ZNF620: variants seen among roughly 807,000 people sequenced by gnomAD.
ZNF620 encodes the protein zinc finger protein 620.
ZNF620 carries 10 observed loss-of-function variants against 13.3 expected under a neutral mutation model. The observed-to-expected ratio is 0.75, with a 90% CI of 0.46 to 1.28. ZNF620 has a LOEUF of 1.28. Among genes scored for constraint, ZNF620 ranks in the 50% most tolerant of loss-of-function variants. The probability of loss-of-function intolerance (pLI) is 0.00; values close to 1 mark genes in which losing one functional copy is unlikely to be tolerated. For missense variants in ZNF620, 461 were observed against 500.2 expected, an observed-to-expected ratio of 0.92 and a Z score of 0.75; for synonymous variants, 166 against 177.6, an observed-to-expected ratio of 0.93 and a Z score of 0.52.
Position 40,511,576 on chromosome 3 carries a change from AT to A in ZNF620, c.132del (p.Tyr44Ter), listed in dbSNP as rs1312936594. 1 of 1,613,250 alleles carries A rather than the reference AT, an allele frequency of 6.2e-7. No individual in the cohort carries two copies. The highest frequency in any genetic ancestry group is 8.5e-7 in the Non-Finnish European group (1 of 1,179,634). On this transcript the variant is annotated frameshift_variant, in exon 3 of 5. Coordinates refer to ENST00000314529, the MANE Select transcript of ZNF620 (RefSeq NM_175888.4). LOFTEE classifies it high-confidence loss of function. ...TACAGGGAAGTGATGCTGGAGAATT[AT>A]GCAAATGTGGCTTCCCTGGGTAAGA... ...ALYREVMLEN[Y>X]ANVASLAFPF...
At chr3:40,513,234 G>A (rs1698253549) in intron 4 of ZNF620, among the ~76,000 whole-genome samples, 1 of 149,120 alleles carries the variant, frequency 6.7e-6, no homozygotes, top group South Asian at 2.1e-4. Flanking sequence ...GGAGGCTGAG[G>A]CAGGTGGATC....
At chr3:40,510,292 T>C (rs1404993056) in intron 2 of ZNF620, among the ~76,000 whole-genome samples, 1 of 152,102 alleles carries the variant, frequency 6.6e-6, no homozygotes, top group African/African-American at 2.4e-5. Flanking sequence ...GGATTACAGG[T>C]GTAATCTGTA....
Position 40,506,265 on chromosome 3 carries a change from A to G in ZNF620, c.-49-39A>G, listed in dbSNP as rs1698013066. On this transcript the variant is annotated intron_variant, in intron 1 of 4. Coordinates refer to ENST00000314529, the MANE Select transcript of ZNF620 (RefSeq NM_175888.4). The stretch of plus-strand genomic sequence containing the variant: ...AGAGGGCATTTGCGGGGTGCGAGGC[A>G]GCATCAATCTCACCGGTGCTTCTTT... 3 of 1,549,332 alleles carry G rather than the reference A, an allele frequency of 1.9e-6. No homozygotes were observed. The African/African-American group carries it at 4.1e-5, about 21-fold the overall frequency.
chr3:40,514,195 T>G (rs1278516098), intron 4 of ZNF620, among the ~76,000 whole-genome samples: 1 of 152,166 alleles, frequency 6.6e-6, no homozygotes, highest in East Asian at 1.9e-4. Context: ...TGGTCCACTT[T>G]CATGTTCTGC....
intron 4 of ZNF620, 64 bp downstream of exon 4, chr3:40,512,579 T>C (rs1698234876): frequency 1.1e-5 from 13 of 1,179,490 alleles, no homozygotes; most frequent in East Asian, 4.9e-5. Flanking sequence ...TCACATTTCA[T>C]TGTGCAAGAA....
At chr3:40,514,652 G>A (rs1159427550) in intron 4 of ZNF620, among the ~76,000 whole-genome samples, 1 of 152,066 alleles carries the variant, frequency 6.6e-6, no homozygotes, top group Non-Finnish European at 1.5e-5. Context: ...TGCACCTGTA[G>A]TACCAGCTCC....
intron 3 of ZNF620, among the ~76,000 whole-genome samples, chr3:40,512,001 C>G (rs1047490807): frequency 6.6e-6 from 1 of 152,128 alleles, no homozygotes; most frequent in African/African-American, 2.4e-5. Context: ...TGTGGGGTTT[C>G]TAATAACTCT....
In ZNF620 at chr3:40,506,071, T is replaced by G; in HGVS notation, c.-117T>G. ...CCCCGGTGTCGGCGGCAGGTGGAAT[T>G]TCCACGCTTTATCTGCGCCTGCGCC... On this transcript the variant is annotated 5_prime_UTR_variant, in exon 1 of 5. The change creates a new upstream start codon in the 5' untranslated region. Transcript: ENST00000314529. The G allele has an allele frequency of 1.3e-5, 7 of 538,932 alleles. No individual in the cohort carries two copies. In the East Asian group the frequency reaches 1.3e-4, roughly 10 times the overall value. 33.4% of individuals were successfully genotyped at this position (538,932 alleles called of 1,614,324 possible).
At chr3:40,515,630 T>C (rs1168484112) in intron 4 of ZNF620, among the ~76,000 whole-genome samples, 1 of 152,236 alleles carries the variant, frequency 6.6e-6, no homozygotes, top group Admixed American at 6.5e-5. Flanking sequence ...CTGGCCTTGC[T>C]TCCCTCCCGT....
intron 4 of ZNF620, 113 bp from the exon 5 acceptor site, chr3:40,515,746 AC>A: frequency 7.4e-7 from 1 of 1,350,088 alleles, no homozygotes; most frequent in Non-Finnish European, 1.0e-6. Flanking sequence ...GCAAATTAGA[AC>A]CACTTGATTC....
At chr3:40,513,316 A>AATATATATAT (rs71618944) in intron 4 of ZNF620, among the ~76,000 whole-genome samples, 25 of 62,628 alleles carry the variant, frequency 4.0e-4, no homozygotes, top group East Asian at 1.4e-3. Flanking sequence ...AAAAAAAAAA[A>AATATATATAT]ATATATATAT....
intron 4 of ZNF620, among the ~76,000 whole-genome samples, chr3:40,513,278 A>G (rs959323739): frequency 1.4e-5 from 2 of 144,296 alleles, no homozygotes; most frequent in African/African-American, 5.2e-5. Flanking sequence ...CAGCTTGGCC[A>G]ACATGACGAA....
chr3:40,507,150 G>A (rs939098994), intron 2 of ZNF620, among the ~76,000 whole-genome samples: 11 of 135,142 alleles, frequency 8.1e-5, no homozygotes, highest in African/African-American at 3.1e-4. Context: ...GGAGTGCAGT[G>A]GCGCGATCCT....
At chr3:40,512,374 C>A (rs1401128356) in intron 3 of ZNF620, 28 bp from the exon 4 acceptor site, 1 of 1,601,000 alleles carries the variant, frequency 6.2e-7, no homozygotes, top group African/African-American at 1.3e-5. Flanking sequence ...TTCCCCTTAC[C>A]TTTTCCTGTT....
intron 4 of ZNF620, 46 bp downstream of exon 4, chr3:40,512,561 T>G (rs925698590): frequency 2.2e-6 from 3 of 1,390,884 alleles, no homozygotes; most frequent in Admixed American, 2.3e-5. Flanking sequence ...TGGCTTGCTT[T>G]CTTGTTTTCA....
intron 2 of ZNF620, among the ~76,000 whole-genome samples, chr3:40,509,334 C>A (rs770034171): frequency 1.3e-5 from 2 of 151,804 alleles, no homozygotes; most frequent in Non-Finnish European, 2.9e-5. Context: ...TGGGTTCAAG[C>A]GATTCTTGTG....
chr3:40,506,340 T>A lies in ZNF620; in HGVS notation c.-13T>A. 6.2e-7 allele frequency: 1 copy of A among 1,614,082 alleles called. No individual in the cohort carries two copies. The highest frequency in any genetic ancestry group is 8.5e-7 in the Non-Finnish European group (1 of 1,180,010). ...CGAACCCTGAGGCAGTGTGTGAAGCTGGGACGCCAGCCATGTTCCAGACCG... is the reference window on the plus strand; with the variant it reads ...CGAACCCTGAGGCAGTGTGTGAAGCAGGGACGCCAGCCATGTTCCAGACCG... On this transcript the variant is annotated 5_prime_UTR_variant, in exon 2 of 5. Transcript: ENST00000314529.
rs529183737 is a variant in ZNF620 at position 40,515,907 on chromosome 3, G to A, written c.313G>A (p.Val105Met). 11 of 1,613,802 alleles carry A rather than the reference G, an allele frequency of 6.8e-6. No individual in the cohort carries two copies. In the East Asian group the frequency reaches 1.3e-4, roughly 20 times the overall value. The change falls in exon 5 of 5, where the codon GTG becomes ATG. Residue 105 changes from valine to methionine, a missense_variant. Val to Met is a conservative substitution (Grantham distance 21). Coordinates refer to ENST00000314529, the MANE Select transcript of ZNF620 (RefSeq NM_175888.4). Reference protein sequence around the residue: ...EKEGLTPKDHVSKETESFRLM... With the variant: ...EKEGLTPKDHMSKETESFRLM... ...GGAAGGATTAACTCCAAAGGATCAT[G>A]TGTCCAAAGAAACAGAGTCCTTCAG... is the stretch of plus-strand genomic sequence containing the variant.
chr3:40,508,650 C>A, intron 2 of ZNF620: 1 of 347,818 alleles, frequency 2.9e-6, no homozygotes, highest in Admixed American at 3.8e-5. Context: ...TTTCTTTTTT[C>A]CTTAGAGACA....
Sources: gnomAD v4.1 joint callset for allele counts (sites outside exome capture counted in the v4.1 genomes callset) on GRCh38, gnomAD v4.1.1 for gene constraint, MANE v1.5 for transcripts, NCBI Gene and HGNC (gene_info 2026-07-23, HGNC 2026-07-21) for gene names.